Variants in COL25A1 observed in about 807,000 individuals in gnomAD.
COL25A1 encodes collagen type XXV alpha 1 chain.
COL25A1 carries 103 observed loss-of-function variants against 128.4 expected under a neutral mutation model. That is an observed-to-expected ratio of 0.80 (90% CI 0.68 to 0.94). The LOEUF is 0.94. COL25A1 is among the 40% of genes least tolerant of loss of function. COL25A1 has a pLI of 0.00. For synonymous variants in COL25A1, 279 were observed against 277.2 expected (o/e 1.01, Z -0.06); for missense variants, 745 against 840.0 (o/e 0.89, Z 1.40).
chr4:109,009,420 G>A (rs1050212304), intron 6 of COL25A1, among the ~76,000 whole-genome samples: 3 of 152,078 alleles, frequency 2.0e-5, no homozygotes, highest in Non-Finnish European at 2.9e-5. Flanking sequence ...GGAATGTTTT[G>A]CTTCATTAGA....
intron 3 of COL25A1, among the ~76,000 whole-genome samples, chr4:109,167,931 CA>C (rs1449381426): frequency 6.6e-6 from 1 of 152,044 alleles, no homozygotes; most frequent in African/African-American, 2.4e-5. Flanking sequence ...ACAATTTTGT[CA>C]AAACTGTTTA....
intron 3 of COL25A1, among the ~76,000 whole-genome samples, chr4:109,162,344 A>C (rs541557806): frequency 7.9e-5 from 12 of 152,212 alleles, no homozygotes; most frequent in Non-Finnish European, 1.8e-4. Flanking sequence ...CAGGCAGATC[A>C]TACTGGAGAG....
At chr4:108,886,146 A>G (rs1304547015) in intron 18 of COL25A1, among the ~76,000 whole-genome samples, 2 of 152,154 alleles carry the variant, frequency 1.3e-5, no homozygotes, top group Non-Finnish European at 2.9e-5. Context: ...ATACTTAGAA[A>G]TTCATATTTC....
At chr4:108,819,194 G>A in intron 36 of COL25A1, 58 bp downstream of exon 36, 1 of 1,312,364 alleles carries the variant, frequency 7.6e-7, no homozygotes, top group Non-Finnish European at 1.1e-6. Flanking sequence ...TGATAGAGAT[G>A]AACATGTGAT....
chr4:108,843,063 C>T (rs1734632440), intron 30 of COL25A1, among the ~76,000 whole-genome samples: 1 of 147,054 alleles, frequency 6.8e-6, no homozygotes, highest in South Asian at 2.2e-4. Context: ...GTGGGAAGAT[C>T]ACCTGAGCCT....
In COL25A1 at chr4:109,219,328, G is replaced by A. The variant is rs148962586; in HGVS notation, c.367+81255C>T. Among the ~76,000 whole-genome samples the A allele has an allele frequency of 2.6e-3, 399 of 152,228 alleles. 2 individuals are homozygous for A. The highest frequency in any genetic ancestry group is 9.3e-3 in the African/African-American group (385 of 41,548). ...AGTGTACTCTCCACTGATTCAGACT[G>A]TTTCTTGCTTCTCAGCACCTGTTAT... is the stretch of plus-strand genomic sequence containing the variant. On this transcript the variant is annotated intron_variant, in intron 3 of 37. Coordinates refer to ENST00000399132, the MANE Select transcript of COL25A1 (RefSeq NM_198721.4).
intron 2 of COL25A1, 124 bp downstream of exon 2, chr4:109,301,599 C>G: frequency 8.5e-6 from 9 of 1,055,892 alleles, no homozygotes; most frequent in African/African-American, 1.6e-5. Context: ...CCAACACATG[C>G]ACGCGCGCGC....
At chr4:109,169,866 G>C (rs1773427948) in intron 3 of COL25A1, among the ~76,000 whole-genome samples, 1 of 151,942 alleles carries the variant, frequency 6.6e-6, no homozygotes, top group Non-Finnish European at 1.5e-5. Flanking sequence ...TGTTATACTG[G>C]TATTGTCTAA....
intron 19 of COL25A1, among the ~76,000 whole-genome samples, chr4:108,879,478 C>T (rs1288010437): frequency 6.6e-6 from 1 of 152,028 alleles, no homozygotes; most frequent in East Asian, 1.9e-4. Flanking sequence ...GATGGAGTCT[C>T]ACTCTGTTGC....
chr4:108,832,276 A>G lies in COL25A1; in HGVS notation c.1710+104T>C, dbSNP rs1733214421. The G allele has an allele frequency of 6.7e-6, 5 of 749,908 alleles. No individual in the cohort carries two copies. The South Asian group carries it at 9.4e-5, about 14-fold the overall frequency. The allele number at this position is 749,908 out of a possible 1,614,324, so 46.5% of individuals were successfully genotyped here. On this transcript the variant is annotated intron_variant, in intron 32 of 37. Coordinates refer to ENST00000399132, the MANE Select transcript of COL25A1 (RefSeq NM_198721.4). ...GGTATCTCTTTTTATTTAATATTAG[A>G]TAGCCCTTTATTTCTTCTGAAAAAT...
At position 109,022,375 on chromosome 4, in the gene COL25A1, A is replaced by T. The variant is rs555777101; in HGVS notation, c.421-12000T>A. Among the ~76,000 whole-genome samples the T allele has an allele frequency of 3.4e-5, 5 of 146,874 alleles. No homozygotes were observed. In the South Asian group the frequency reaches 1.1e-3, roughly 31 times the overall value. On this transcript the variant is annotated intron_variant, in intron 5 of 37. Coordinates refer to ENST00000399132, the MANE Select transcript of COL25A1 (RefSeq NM_198721.4). ...TGTGAATCAGTGAGGCAGTGGAATC[A>T]TCAGCATTGGTTAAATCCATTATCA...
intron 3 of COL25A1, among the ~76,000 whole-genome samples, chr4:109,053,837 T>C (rs1387959108): frequency 6.6e-6 from 1 of 152,230 alleles, no homozygotes; most frequent in Non-Finnish European, 1.5e-5. Flanking sequence ...ACCTCTTGTT[T>C]TCTATTTCAA....
chr4:109,176,382 C>A (rs1774097257), intron 3 of COL25A1, among the ~76,000 whole-genome samples: 1 of 152,108 alleles, frequency 6.6e-6, no homozygotes, highest in Non-Finnish European at 1.5e-5. Flanking sequence ...GAGTGAGACT[C>A]TGCCTCAAAA....
chr4:108,999,505 T>TA (rs1553995584), intron 6 of COL25A1, among the ~76,000 whole-genome samples: 1 of 152,232 alleles, frequency 6.6e-6, no homozygotes, highest in Non-Finnish European at 1.5e-5. Context: ...GGAATGCTTT[T>TA]ACACTGTTGG....
chr4:109,213,259 A>C (rs1003661345), intron 3 of COL25A1, among the ~76,000 whole-genome samples: 4 of 152,196 alleles, frequency 2.6e-5, no homozygotes, highest in Non-Finnish European at 5.9e-5. Flanking sequence ...AGATAATACT[A>C]ATCATAAGAA....
rs189362438 is a variant in COL25A1 at position 109,207,290 on chromosome 4, C to A, written c.367+93293G>T. Among the ~76,000 whole-genome samples, 12 of 152,244 alleles carry A rather than the reference C, an allele frequency of 7.9e-5. No individual in the cohort carries two copies. In the East Asian group the frequency reaches 2.3e-3, roughly 29 times the overall value. On this transcript the variant is annotated intron_variant, in intron 3 of 37. Transcript: ENST00000399132. ...ATGTGATACAGCTGAGTCAAAGCAT[C>A]CCATATCAGATCATCAATTAGCTGT...
At chr4:109,084,522 C>T (rs915410744) in intron 3 of COL25A1, among the ~76,000 whole-genome samples, 2 of 152,284 alleles carry the variant, frequency 1.3e-5, no homozygotes, top group South Asian at 2.1e-4. Context: ...GACTGAAGCA[C>T]GTTTATTTTC....
chr4:108,949,826 C>T lies in COL25A1; in HGVS notation c.493-8389G>A, dbSNP rs190904898. 2.2e-3 allele frequency among the ~76,000 whole-genome samples: 342 copies of T among 152,284 alleles called. 4 individuals are homozygous for T. Among genetic ancestry groups the T allele is most frequent in the Admixed American group, 8.2e-3 (126 of 15,300 alleles). On this transcript the variant is annotated intron_variant, in intron 8 of 37. Transcript: ENST00000399132. The stretch of plus-strand genomic sequence containing the variant: ...CTGGGATTACAGGCATGAGCCACAG[C>T]GCCCAGCCCCATATCTTCCATAAAT...
intron 6 of COL25A1, among the ~76,000 whole-genome samples, chr4:108,996,584 A>G (rs747751890): frequency 1.8e-4 from 27 of 152,312 alleles, no homozygotes; most frequent in Non-Finnish European, 3.5e-4. Flanking sequence ...GTTAACAAGG[A>G]TACCCAGGAC....
Sources: allele counts gnomAD v4.1 joint callset (sites outside exome capture counted in the v4.1 genomes callset), GRCh38; gene constraint gnomAD v4.1.1; transcripts MANE v1.5; gene names NCBI Gene and HGNC (gene_info 2026-07-23, HGNC 2026-07-21).